DPYSL5: variants seen among roughly 807,000 people sequenced by gnomAD.
DPYSL5 encodes dihydropyrimidinase like 5, also known as dihydropyrimidinase-related protein 5.
DPYSL5 carries 9 observed loss-of-function variants against 58.4 expected under a neutral mutation model. The ratio of observed to expected loss-of-function variants is 0.15; its 90% CI spans 0.09 to 0.27. The LOEUF is 0.27. Ranked by LOEUF, DPYSL5 falls within the 10% of genes least tolerant of loss-of-function variation. The pLI is 1.00. For synonymous variants in DPYSL5, 293 were observed against 301.9 expected (o/e 0.97, Z 0.31); for missense variants, 499 against 770.6 (o/e 0.65, Z 4.17).
chr2:26,850,733 G>A (rs1665729879), intron 1 of DPYSL5, among the ~76,000 whole-genome samples: 1 of 152,140 alleles, frequency 6.6e-6, no homozygotes, highest in Non-Finnish European at 1.5e-5. Context: ...TGCTGTGGCT[G>A]TTGGCTTTTG....
intron 6 of DPYSL5, among the ~76,000 whole-genome samples, chr2:26,932,193 A>C (rs867572526): frequency 0.032 from 2,321 of 72,580 alleles, 73 homozygotes; most frequent in African/African-American, 0.059. Flanking sequence ...GAAAGAAAGA[A>C]AGAAAGAAAG....
In DPYSL5 at chr2:26,867,455, G is replaced by T. The variant is rs867351841; in HGVS notation, c.-5+19201G>T. Among the ~76,000 whole-genome samples, 601 of 132,010 alleles carry T rather than the reference G, an allele frequency of 4.6e-3. 5 individuals carry two copies. Among genetic ancestry groups the T allele is most frequent in the African/African-American group, 0.014 (473 of 33,452 alleles). 86.6% of individuals were successfully genotyped at this position (132,010 alleles called of 152,430 possible). A position where few individuals can be genotyped will look rare whatever the true frequency, so the allele number is the denominator to read the frequency against. ...TTCCCAATTGTTTGTTTTTTTTTTT[G>T]TTTGTTTTTTTTTTTTTTGAGACGG... is the stretch of plus-strand genomic sequence containing the variant. On this transcript the variant is annotated intron_variant, in intron 1 of 12. Transcript: ENST00000288699.
chr2:26,931,698 T>A lies in DPYSL5; in HGVS notation c.714+14T>A, dbSNP rs771627088. The A allele has an allele frequency of 3.7e-6, 6 of 1,613,766 alleles. No individual in the cohort carries two copies. In the Admixed American group the frequency reaches 1.0e-4, roughly 27 times the overall value. On this transcript the variant is annotated intron_variant, in intron 6 of 12. Coordinates refer to ENST00000288699, the MANE Select transcript of DPYSL5 (RefSeq NM_020134.4). The stretch of plus-strand genomic sequence containing the variant: ...ATTGCAAACAGGGTAAGTCCCCCGA[T>A]GTCCACTGTGGGATTAGAAACCAAC...
intron 1 of DPYSL5, among the ~76,000 whole-genome samples, chr2:26,865,957 T>TGAA (rs1390855218): frequency 6.6e-6 from 1 of 152,240 alleles, no homozygotes; most frequent in Non-Finnish European, 1.5e-5. Context: ...ACACTCATTT[T>TGAA]GAACCCCACC....
chr2:26,855,634 T>C (rs1043628374), intron 1 of DPYSL5, among the ~76,000 whole-genome samples: 4 of 152,190 alleles, frequency 2.6e-5, no homozygotes, highest in Admixed American at 6.5e-5. Context: ...CACATGTTAG[T>C]AGTGCCCGGT....
chr2:26,859,116 T>C (rs554231851), intron 1 of DPYSL5, among the ~76,000 whole-genome samples: 31 of 152,368 alleles, frequency 2.0e-4, no homozygotes, highest in African/African-American at 7.5e-4. Context: ...AGCTTTTAAA[T>C]GGCAGTCTTC....
At position 26,928,187 on chromosome 2, in the gene DPYSL5, G is replaced by A. The variant is rs1405258626; in HGVS notation, c.601-68G>A. On this transcript the variant is annotated intron_variant, in intron 4 of 12. Coordinates refer to ENST00000288699, the MANE Select transcript of DPYSL5 (RefSeq NM_020134.4). ...TGTCTAGCATATTTCACTGTCCCTT[G>A]GGTTCAGTATTTTCTTACACGGTGT... The A allele has an allele frequency of 2.7e-6, 4 of 1,497,402 alleles. No individual in the cohort carries two copies. The African/African-American group carries it at 4.1e-5, about 15-fold the overall frequency. The allele number at this position is 1,497,402 out of a possible 1,614,324, so 92.8% of individuals were successfully genotyped here. A position where few individuals can be genotyped will look rare whatever the true frequency, so the allele number is the denominator to read the frequency against.
chr2:26,900,448 G>C lies in DPYSL5; in HGVS notation c.261+1688G>C, dbSNP rs145550070. On this transcript the variant is annotated intron_variant, in intron 2 of 12. Transcript: ENST00000288699. ...TTTCATTGCTTAATACTATTCCACT[G>C]TGTAATATACCACATAGCAATTATC... 4.0e-4 allele frequency among the ~76,000 whole-genome samples: 61 copies of C among 152,196 alleles called. No homozygotes were observed. The East Asian group carries it at 0.011, about 28-fold the overall frequency.
chr2:26,921,458 A>T (rs1191435469), intron 2 of DPYSL5, among the ~76,000 whole-genome samples: 1 of 151,524 alleles, frequency 6.6e-6, no homozygotes, highest in Non-Finnish European at 1.5e-5. Context: ...CATCCTTTTG[A>T]AAGCCTCGGG....
Position 26,948,324 on chromosome 2 carries a change from C to A in DPYSL5, c.*1329C>A, listed in dbSNP as rs1428738380. ...CCCGTGGTCGGCACCAGGCCCTTGC[C>A]AGCTCATGGCCTCATCTTCTCCCCT... On this transcript the variant is annotated 3_prime_UTR_variant, in exon 13 of 13. Transcript: ENST00000288699. 6.6e-6 allele frequency: 1 copy of A among 152,358 alleles called. No homozygotes were observed. The highest frequency in any genetic ancestry group is 6.5e-5 in the Admixed American group (1 of 15,282). 9.4% of individuals were successfully genotyped at this position (152,358 alleles called of 1,614,324 possible). A position where few individuals can be genotyped will look rare whatever the true frequency, so the allele number is the denominator to read the frequency against.
At chr2:26,864,610 G>T (rs1183183769) in intron 1 of DPYSL5, among the ~76,000 whole-genome samples, 1 of 152,210 alleles carries the variant, frequency 6.6e-6, no homozygotes, top group Non-Finnish European at 1.5e-5. Flanking sequence ...GACAGAGAAT[G>T]ACTAACGTGA....
chr2:26,934,485 T>C lies in DPYSL5; in HGVS notation c.791-93T>C, dbSNP rs1665121686. The C allele has an allele frequency of 6.8e-7, 1 of 1,479,966 alleles. No individual in the cohort carries two copies. Among genetic ancestry groups the C allele is most frequent in the Non-Finnish European group, 9.1e-7 (1 of 1,097,686 alleles). 91.7% of individuals were successfully genotyped at this position (1,479,966 alleles called of 1,614,324 possible). ...GGCAGGTCCCTTCCTGTCTCTGACC[T>C]CAGCTCCTTCACCTGTAAAATGAGA... On this transcript the variant is annotated intron_variant, in intron 7 of 12. Coordinates refer to ENST00000288699, the MANE Select transcript of DPYSL5 (RefSeq NM_020134.4). This position sits in a 1 kb window ranked among gnomAD's most constrained non-coding sequence, Gnocchi z 4.3.
Position 26,877,024 on chromosome 2 carries a change from T to C in DPYSL5, c.-4-21472T>C, listed in dbSNP as rs944196197. On this transcript the variant is annotated intron_variant, in intron 1 of 12. Transcript: ENST00000288699. This position sits in a 1 kb window ranked among gnomAD's most constrained non-coding sequence, Gnocchi z 4.1. ...CTCTTGTCCCCTGGCTGGAGTGCAA[T>C]GGCGTGATCTTGGCTCCCTGCAACC... Among the ~76,000 whole-genome samples, 2 of 146,664 alleles carry C rather than the reference T, an allele frequency of 1.4e-5. No individual in the cohort carries two copies. Among genetic ancestry groups the C allele is most frequent in the African/African-American group, 5.1e-5 (2 of 39,582 alleles).
chr2:26,859,000 A>G (rs1165535682), intron 1 of DPYSL5, among the ~76,000 whole-genome samples: 3 of 152,174 alleles, frequency 2.0e-5, no homozygotes, highest in Non-Finnish European at 2.9e-5. Context: ...CTTTGTCCAT[A>G]TGTTTACATA....
At chr2:26,884,188 G>A (rs1195376959) in intron 1 of DPYSL5, among the ~76,000 whole-genome samples, 1 of 152,188 alleles carries the variant, frequency 6.6e-6, no homozygotes, top group African/African-American at 2.4e-5. Context: ...TGGTGGTGGT[G>A]TGGTGCCTCC....
intron 1 of DPYSL5, among the ~76,000 whole-genome samples, chr2:26,852,394 C>T (rs1008795379): frequency 1.8e-4 from 27 of 152,178 alleles, no homozygotes; most frequent in African/African-American, 6.5e-4. Flanking sequence ...CTTTTGTGAG[C>T]TTTGGTATTT....
Position 26,928,290 on chromosome 2 carries a change from C to G in DPYSL5, c.636C>G (p.Gly212=). Residue 212 remains glycine (G), a synonymous_variant, in exon 5 of 13, where the codon GGC becomes GGG. Coordinates refer to ENST00000288699, the MANE Select transcript of DPYSL5 (RefSeq NM_020134.4). The part of the protein sequence containing the change: ...AKEALDLGIT[G]PEGIEISRPE... ...AGGCACTGGATTTGGGGATCACAGGCCCAGAAGGAATCGAGATCAGCCGTC... is the reference window on the plus strand; with the variant it reads ...AGGCACTGGATTTGGGGATCACAGGGCCAGAAGGAATCGAGATCAGCCGTC... 6.2e-7 allele frequency: 1 copy of G among 1,613,924 alleles called. No individual in the cohort carries two copies. The highest frequency in any genetic ancestry group is 2.2e-5 in the East Asian group (1 of 44,860).
chr2:26,878,511 T>G (rs1240860291), intron 1 of DPYSL5, among the ~76,000 whole-genome samples: 1 of 152,266 alleles, frequency 6.6e-6, no homozygotes, highest in Non-Finnish European at 1.5e-5. Flanking sequence ...TAAATTACTC[T>G]GATTTTTTAT....
At chr2:26,916,899 G>C (rs185855968) in intron 2 of DPYSL5, among the ~76,000 whole-genome samples, 1 of 152,302 alleles carries the variant, frequency 6.6e-6, no homozygotes, top group East Asian at 1.9e-4. Context: ...TTCTTCTGGA[G>C]CATCTGATAC....
Sources: allele counts gnomAD v4.1 joint callset (sites outside exome capture counted in the v4.1 genomes callset), GRCh38; gene constraint gnomAD v4.1.1; non-coding constraint Gnocchi (gnomAD v3.1); transcripts MANE v1.5; gene names NCBI Gene and HGNC (gene_info 2026-07-23, HGNC 2026-07-21).